Variants in DIS3L2 observed in about 807,000 individuals in gnomAD.
DIS3L2 encodes the protein DIS3-like exonuclease 2.
A neutral mutation model predicts 97.5 loss-of-function variants in DIS3L2; 34 were observed. The observed-to-expected ratio is 0.35, with a 90% confidence interval of 0.27 to 0.46. The LOEUF is 0.46. Ranked by LOEUF, DIS3L2 falls within the 20% of genes least tolerant of loss-of-function variation. The probability of loss-of-function intolerance (pLI) is 1.00; values close to 1 mark genes in which losing one functional copy is unlikely to be tolerated. For missense variants in DIS3L2, 1,038 were observed against 1,146.0 expected, an observed-to-expected ratio of 0.91 and a Z score of 1.36; for synonymous variants, 435 against 445.2, an observed-to-expected ratio of 0.98 and a Z score of 0.29.
intron 14 of DIS3L2, among the ~76,000 whole-genome samples, chr2:232,305,874 G>A (rs1318596693): frequency 6.6e-6 from 1 of 151,986 alleles, no homozygotes; most frequent in Non-Finnish European, 1.5e-5. Context: ...AGAGTCACTT[G>A]AGCCCAGGAG....
intron 1 of DIS3L2, among the ~76,000 whole-genome samples, chr2:231,970,221 T>A (rs888856189): frequency 1.5e-4 from 23 of 152,208 alleles, no homozygotes; most frequent in Non-Finnish European, 2.8e-4. Flanking sequence ...GTGTTGGGAT[T>A]ACAGGTGTGA....
chr2:232,050,447 T>A (rs1695369682), intron 5 of DIS3L2, among the ~76,000 whole-genome samples: 1 of 150,816 alleles, frequency 6.6e-6, no homozygotes, highest in African/African-American at 2.4e-5. Context: ...TCTTTGTATT[T>A]TTTTTTTTTT....
intron 6 of DIS3L2, among the ~76,000 whole-genome samples, chr2:232,126,030 G>A (rs1336873444): frequency 6.6e-6 from 1 of 152,186 alleles, no homozygotes; most frequent in African/African-American, 2.4e-5. Flanking sequence ...GATTGAACAA[G>A]CTTGGATTTG....
chr2:232,296,878 A>G (rs772200716), intron 13 of DIS3L2, among the ~76,000 whole-genome samples: 2 of 152,100 alleles, frequency 1.3e-5, no homozygotes, highest in Non-Finnish European at 2.9e-5. Flanking sequence ...CCCCTACCCT[A>G]TCACCACCTC....
At chr2:232,205,238 A>ATATATATATATATATATATATATAT (rs1691998820) in intron 9 of DIS3L2, among the ~76,000 whole-genome samples, 1 of 144,186 alleles carries the variant, frequency 6.9e-6, no homozygotes, top group African/African-American at 2.6e-5. Context: ...ATATATATAT[A>ATATATATATATATATATATATATAT]AAATGCAGTG....
At chr2:232,021,207 G>T (rs1473731643) in intron 3 of DIS3L2, among the ~76,000 whole-genome samples, 1 of 152,072 alleles carries the variant, frequency 6.6e-6, no homozygotes, top group Non-Finnish European at 1.5e-5. Flanking sequence ...AATCTTCAAG[G>T]TCTTTTGCTG....
chr2:232,094,040 A>T (rs1270493589), intron 6 of DIS3L2, among the ~76,000 whole-genome samples: 1 of 151,924 alleles, frequency 6.6e-6, no homozygotes, highest in Non-Finnish European at 1.5e-5. Flanking sequence ...CTGTGATTCC[A>T]TTATCATTTG....
intron 9 of DIS3L2, among the ~76,000 whole-genome samples, chr2:232,187,635 G>T (rs191413970): frequency 2.5e-4 from 38 of 152,110 alleles, no homozygotes; most frequent in Middle Eastern, 3.4e-3. Flanking sequence ...TAGAGACAGG[G>T]TTTCACCATG....
At chr2:231,968,061 TAC>T (rs1692775364) in intron 1 of DIS3L2, among the ~76,000 whole-genome samples, 2 of 152,056 alleles carry the variant, frequency 1.3e-5, no homozygotes, top group South Asian at 4.1e-4. Context: ...GCTGTTTTCA[TAC>T]CCCTGGCTCC....
intron 5 of DIS3L2, among the ~76,000 whole-genome samples, chr2:232,042,362 A>G (rs1695132807): frequency 1.3e-5 from 2 of 151,810 alleles, no homozygotes; most frequent in Admixed American, 6.6e-5. Context: ...ATTTAATCCA[A>G]TCTCTTATAT....
chr2:232,330,090 C>G (rs1695692692), intron 15 of DIS3L2, 94 bp downstream of exon 15: 3 of 1,425,292 alleles, frequency 2.1e-6, no homozygotes, highest in Middle Eastern at 2.2e-4. Context: ...CTGCTTCCCC[C>G]CAGAGTCCCT....
chr2:232,252,110 TAAAG>T (rs1693435148), intron 12 of DIS3L2, among the ~76,000 whole-genome samples: 1 of 152,182 alleles, frequency 6.6e-6, no homozygotes, highest in Non-Finnish European at 1.5e-5. Flanking sequence ...AGGTCTGTCT[TAAAG>T]AAGATGCTAA....
At chr2:231,988,797 T>C (rs1309470385) in intron 1 of DIS3L2, among the ~76,000 whole-genome samples, 3 of 152,196 alleles carry the variant, frequency 2.0e-5, no homozygotes, top group Non-Finnish European at 4.4e-5. Flanking sequence ...ATAACTGACA[T>C]TTTTGAAAAA....
intron 1 of DIS3L2, among the ~76,000 whole-genome samples, chr2:231,968,922 G>A (rs1692805994): frequency 1.3e-5 from 2 of 152,134 alleles, no homozygotes; most frequent in African/African-American, 4.8e-5. Flanking sequence ...TTATGGGGCT[G>A]GTTTCCCCCA....
At chr2:231,978,028 C>T (rs1238992499) in intron 1 of DIS3L2, among the ~76,000 whole-genome samples, 2 of 152,168 alleles carry the variant, frequency 1.3e-5, no homozygotes, top group Non-Finnish European at 2.9e-5. Context: ...TTTTTGTTAA[C>T]TCCTAGAAGG....
intron 1 of DIS3L2, among the ~76,000 whole-genome samples, chr2:231,991,485 G>T (rs1693584938): frequency 6.6e-6 from 1 of 152,052 alleles, no homozygotes. Flanking sequence ...GCCCAGGCTG[G>T]TCTTAAACTG....
At chr2:232,298,254 C>A (rs184267493) in intron 13 of DIS3L2, among the ~76,000 whole-genome samples, 2 of 151,502 alleles carry the variant, frequency 1.3e-5, no homozygotes, top group African/African-American at 4.8e-5. Flanking sequence ...GCAAATAAAA[C>A]TTTTCTTCCT....
chr2:232,036,480 G>T (rs770172156), intron 5 of DIS3L2, among the ~76,000 whole-genome samples: 3 of 152,062 alleles, frequency 2.0e-5, no homozygotes, highest in Non-Finnish European at 4.4e-5. Context: ...CCTTTAGCTC[G>T]GAGGAGTTTG....
At chr2:232,308,353 C>A (rs1287863389) in intron 14 of DIS3L2, among the ~76,000 whole-genome samples, 1 of 152,210 alleles carries the variant, frequency 6.6e-6, no homozygotes, top group African/African-American at 2.4e-5. Context: ...GATCCGTTGT[C>A]CCTGCGGACC....
Sources: gnomAD v4.1 joint callset for allele counts (sites outside exome capture counted in the v4.1 genomes callset) on GRCh38, gnomAD v4.1.1 for gene constraint, MANE v1.5 for transcripts, NCBI Gene and HGNC (gene_info 2026-07-23, HGNC 2026-07-21) for gene names.